Variants in WWTR1 observed in about 807,000 individuals in gnomAD.
The protein encoded by WWTR1 is WW domain-containing transcription regulator protein 1.
Under a neutral mutation model 40.1 loss-of-function variants are expected in WWTR1, and 13 were observed. The ratio of observed to expected loss-of-function variants is 0.32; its 90% CI spans 0.21 to 0.52. WWTR1 has a LOEUF of 0.52. WWTR1 is among the 20% of genes least tolerant of loss of function. The pLI is 0.97. For missense variants in WWTR1, 436 were observed against 523.1 expected (o/e 0.83, Z 1.63); for synonymous variants, 230 against 210.1 (o/e 1.09, Z -0.82).
At chr3:149,665,446 C>T (rs1017931211) in intron 2 of WWTR1, among the ~76,000 whole-genome samples, 3 of 151,930 alleles carry the variant, frequency 2.0e-5, no homozygotes, top group Admixed American at 6.6e-5. Flanking sequence ...AGGATGTTCT[C>T]GATCTCCTGA....
chr3:149,701,239 G>C (rs1715162226), intron 1 of WWTR1, among the ~76,000 whole-genome samples: 1 of 152,044 alleles, frequency 6.6e-6, no homozygotes, highest in Admixed American at 6.5e-5. Context: ...TAAAGCATGT[G>C]AATAAACTTT....
intron 2 of WWTR1, among the ~76,000 whole-genome samples, chr3:149,585,653 G>A (rs1043395193): frequency 6.6e-6 from 1 of 152,056 alleles, no homozygotes; most frequent in Non-Finnish European, 1.5e-5. Context: ...TTGGTAATGA[G>A]TGCCTTGGTG....
At chr3:149,570,039 T>G (rs1737544592) in intron 3 of WWTR1, among the ~76,000 whole-genome samples, 1 of 152,130 alleles carries the variant, frequency 6.6e-6, no homozygotes, top group African/African-American at 2.4e-5. Flanking sequence ...ACAGGCAGAG[T>G]TATGGCTTGA....
At chr3:149,629,848 T>A (rs1446488481) in intron 2 of WWTR1, among the ~76,000 whole-genome samples, 7 of 151,966 alleles carry the variant, frequency 4.6e-5, no homozygotes, top group Admixed American at 4.6e-4. Context: ...GGGAAAAACT[T>A]GAAGGGTATT....
At chr3:149,610,249 T>C (rs978537228) in intron 2 of WWTR1, among the ~76,000 whole-genome samples, 2 of 152,236 alleles carry the variant, frequency 1.3e-5, no homozygotes, top group African/African-American at 4.8e-5. Flanking sequence ...AGTACCAAAT[T>C]CATACCTGCT....
intron 5 of WWTR1, among the ~76,000 whole-genome samples, chr3:149,708,725 T>C (rs1472375516): frequency 6.6e-6 from 1 of 152,234 alleles, no homozygotes; most frequent in Non-Finnish European, 1.5e-5. Flanking sequence ...GATGGACACT[T>C]AGGTTGATTT....
chr3:149,699,403 C>T (rs1397336224), intron 1 of WWTR1, among the ~76,000 whole-genome samples: 1 of 151,536 alleles, frequency 6.6e-6, no homozygotes, highest in Non-Finnish European at 1.5e-5. Flanking sequence ...AAGTGATTCT[C>T]CTGCCTCAGC....
At chr3:149,568,932 A>T (rs1475881533) in intron 3 of WWTR1, among the ~76,000 whole-genome samples, 3 of 152,068 alleles carry the variant, frequency 2.0e-5, no homozygotes, top group African/African-American at 7.2e-5. Context: ...ACACCCAGCT[A>T]ATTTTTTGCA....
intron 3 of WWTR1, among the ~76,000 whole-genome samples, chr3:149,555,946 C>T (rs1736807974): frequency 6.6e-6 from 1 of 152,200 alleles, no homozygotes; most frequent in African/African-American, 2.4e-5. Flanking sequence ...CTCTGTGAAG[C>T]AGTGATGTGT....
At chr3:149,662,216 G>T (rs1438377620), upstream of WWTR1, among the ~76,000 whole-genome samples, 2 of 152,078 alleles carry the variant, frequency 1.3e-5, no homozygotes, top group Admixed American at 6.6e-5. Flanking sequence ...GCCCAGGGTT[G>T]TAACTCTAGA....
In WWTR1 at chr3:149,698,686, T is replaced by A. The variant is rs73868062; in HGVS notation, c.-108+4438A>T. The stretch of plus-strand genomic sequence containing the variant: ...CCCAGGCTTTTCCATATATCCAGAA[T>A]CTAGGAGGAAACCATCAAGCCTTCT... On this transcript the variant is annotated intron_variant, in intron 1 of 7. Coordinates refer to the WWTR1 transcript ENST00000465804. Among the ~76,000 whole-genome samples, 107 of 152,332 alleles carry A rather than the reference T, an allele frequency of 7.0e-4. 1 individual carries two copies. The highest frequency in any genetic ancestry group is 2.4e-3 in the African/African-American group (101 of 41,574).
intron 4 of WWTR1, among the ~76,000 whole-genome samples, chr3:149,539,426 GTT>G (rs1461053043): frequency 6.6e-6 from 1 of 152,158 alleles, no homozygotes; most frequent in Admixed American, 6.5e-5. Flanking sequence ...GACAGGCTCA[GTT>G]GGTAGAAGGG....
Position 149,598,091 on chromosome 3 carries a change from G to A in WWTR1, c.432-25091C>T, listed in dbSNP as rs912107354. Among the ~76,000 whole-genome samples, 6 of 152,204 alleles carry A rather than the reference G, an allele frequency of 3.9e-5. No individual in the cohort carries two copies. The East Asian group carries it at 9.7e-4, about 25-fold the overall frequency. On this transcript the variant is annotated intron_variant, in intron 2 of 6. Coordinates refer to ENST00000360632, the MANE Select transcript of WWTR1 (RefSeq NM_015472.6). Reference sequence around the variant, plus strand: ...TGAAGGTCCCTGAATATGTGACAGGGCCTAACACAGGTGTTGGTGTTTGAC... The same window carrying A: ...TGAAGGTCCCTGAATATGTGACAGGACCTAACACAGGTGTTGGTGTTTGAC...
chr3:149,690,688 T>C (rs1714795043), intron 1 of WWTR1, among the ~76,000 whole-genome samples: 1 of 152,174 alleles, frequency 6.6e-6, no homozygotes, highest in African/African-American at 2.4e-5. Context: ...AGCACCCTGC[T>C]TTTAGCATTG....
At chr3:149,672,735 A>G (rs1483116895) in intron 1 of WWTR1, among the ~76,000 whole-genome samples, 1 of 151,254 alleles carries the variant, frequency 6.6e-6, no homozygotes, top group Non-Finnish European at 1.5e-5. Flanking sequence ...AAATCTTTCT[A>G]TAAAAAGATA....
chr3:149,545,805 G>T (rs1736337966), intron 3 of WWTR1, among the ~76,000 whole-genome samples: 1 of 152,210 alleles, frequency 6.6e-6, no homozygotes, highest in Admixed American at 6.5e-5. Flanking sequence ...ACAGGCATGA[G>T]CCACCGCGCC....
At chr3:149,619,843 G>A (rs956411823) in intron 2 of WWTR1, among the ~76,000 whole-genome samples, 1 of 152,066 alleles carries the variant, frequency 6.6e-6, no homozygotes, top group East Asian at 1.9e-4. Flanking sequence ...GTTAATCCTC[G>A]CACAGGCTGA....
At chr3:149,584,418 C>T (rs1576578781) in intron 2 of WWTR1, among the ~76,000 whole-genome samples, 1 of 152,132 alleles carries the variant, frequency 6.6e-6, no homozygotes, top group African/African-American at 2.4e-5. Context: ...TTTCTTTTTG[C>T]ACATGTTTGA....
intron 4 of WWTR1, among the ~76,000 whole-genome samples, chr3:149,530,537 G>T (rs1033614880): frequency 6.6e-6 from 1 of 151,526 alleles, no homozygotes; most frequent in African/African-American, 2.4e-5. Flanking sequence ...AAAATAAATA[G>T]TTCTAAACTT....
Sources: gnomAD v4.1 joint callset for allele counts (sites outside exome capture counted in the v4.1 genomes callset) on GRCh38, gnomAD v4.1.1 for gene constraint, MANE v1.5 for transcripts, NCBI Gene and HGNC (gene_info 2026-07-23, HGNC 2026-07-21) for gene names.